HS1BP3: variants seen among roughly 807,000 people sequenced by gnomAD.
HS1BP3 encodes the protein HCLS1 binding protein 3.
Under a neutral mutation model 33.5 loss-of-function variants are expected in HS1BP3, and 32 were observed. The observed-to-expected ratio is 0.95, with a 90% CI of 0.72 to 1.28. HS1BP3 has a LOEUF of 1.28. Among genes scored for constraint, HS1BP3 ranks in the 50% most tolerant of loss-of-function variants. The pLI, the probability that HS1BP3 is intolerant of heterozygous loss-of-function variation, is 0.00. For missense variants in HS1BP3, 486 were observed against 502.3 expected (o/e 0.97, Z 0.31); for synonymous variants, 187 against 209.2 (o/e 0.89, Z 0.92).
chr2:20,617,566 G>A (rs1338019902), downstream of HS1BP3, among the ~76,000 whole-genome samples: 1 of 152,128 alleles, frequency 6.6e-6, no homozygotes, highest in Non-Finnish European at 1.5e-5. Context: ...CGGGCCAGGA[G>A]CTGAGACACT....
chr2:20,645,513 G>A lies in HS1BP3; in HGVS notation c.33-8C>T, dbSNP rs2304423. 1,096,628 of 1,607,868 alleles carry A rather than the reference G, an allele frequency of 0.68. 375,226 individuals are homozygous for A. The highest frequency in any genetic ancestry group is 0.8 in the South Asian group (71,980 of 90,478). On this transcript the variant is annotated splice_polypyrimidine_tract_variant and splice_region_variant and intron_variant, in intron 1 of 6. Coordinates refer to ENST00000304031, the MANE Select transcript of HS1BP3 (RefSeq NM_022460.4). The stretch of plus-strand genomic sequence containing the variant: ...TGGGCATTCTGAAGTCGCCTGCCAG[G>A]GGAAAAGAAGGCAGGTGGGGTTCAG...
chr2:20,624,968 C>T lies in HS1BP3; in HGVS notation c.624-76G>A, dbSNP rs1472736945. 12 of 1,537,140 alleles carry T rather than the reference C, an allele frequency of 7.8e-6. No individual in the cohort carries two copies. The South Asian group carries it at 7.9e-5, about 10-fold the overall frequency. Reference sequence around the variant, plus strand: ...GGTGGTCCGGTCAGACCGACACAGGCGCTGGGCCCTGCAGTGGAGGGGCTG... The same window carrying T: ...GGTGGTCCGGTCAGACCGACACAGGTGCTGGGCCCTGCAGTGGAGGGGCTG... On this transcript the variant is annotated intron_variant, in intron 4 of 6. Transcript: ENST00000304031.
chr2:20,644,699 C>T (rs1558351921), intron 2 of HS1BP3, among the ~76,000 whole-genome samples: 1 of 152,170 alleles, frequency 6.6e-6, no homozygotes, highest in Non-Finnish European at 1.5e-5. Context: ...ATCTGGGCTC[C>T]CTGACACCTG....
At chr2:20,564,993 T>C (rs61496474) in intron 5 of HS1BP3, among the ~76,000 whole-genome samples, 26,551 of 152,114 alleles carry the variant, frequency 0.17, 2,886 homozygotes, top group African/African-American at 0.3. Context: ...GCCCTGTTCT[T>C]TGGGGGCTCA....
At chr2:20,635,073 G>C (rs559571184) in intron 4 of HS1BP3, 1 of 152,224 alleles carries the variant, frequency 6.6e-6, no homozygotes, top group East Asian at 1.9e-4. Context: ...GAAAAGCAGA[G>C]GGGCCTCCCA....
intron 4 of HS1BP3, among the ~76,000 whole-genome samples, chr2:20,629,166 C>A (rs934600): frequency 4.6e-5 from 7 of 152,304 alleles, no homozygotes; most frequent in African/African-American, 1.7e-4. Context: ...AATTCCATGA[C>A]AGGTGCGTCA....
intron 2 of HS1BP3, among the ~76,000 whole-genome samples, chr2:20,599,863 C>T (rs893521844): frequency 5.9e-5 from 9 of 152,142 alleles, no homozygotes; most frequent in African/African-American, 1.7e-4. Flanking sequence ...TGATAATCTC[C>T]AAGGTTCATT....
chr2:20,641,136 C>T lies in HS1BP3; in HGVS notation c.243G>A (p.Leu81=), dbSNP rs758986369. The change falls in exon 3 of 7, where the codon CTG becomes CTA. Residue 81 remains leucine, a synonymous_variant. Transcript: ENST00000304031. ...YSEIEEFYQK[L]SSRYAAASLP... ...GGCTGGCTGCTGCATAACGACTGCT[C>T]AGTTTCTGGTAAAACTCCTCAATCT... The T allele has an allele frequency of 1.9e-6, 3 of 1,611,504 alleles. No homozygotes were observed. Among genetic ancestry groups the T allele is most frequent in the Admixed American group, 3.3e-5 (2 of 60,004 alleles).
intron 5 of HS1BP3, among the ~76,000 whole-genome samples, chr2:20,574,646 G>C (rs1316249321): frequency 6.6e-6 from 1 of 152,210 alleles, no homozygotes; most frequent in Non-Finnish European, 1.5e-5. Context: ...AGCCTCGGTG[G>C]ATGAGATGAC....
chr2:20,593,788 T>TC (rs1693878060), intron 3 of HS1BP3, among the ~76,000 whole-genome samples: 1 of 152,112 alleles, frequency 6.6e-6, no homozygotes, highest in South Asian at 2.1e-4. Context: ...CCCCTGCTGG[T>TC]CCCTGGAGCC....
At chr2:20,570,525 G>A (rs1693241702) in intron 5 of HS1BP3, among the ~76,000 whole-genome samples, 1 of 152,182 alleles carries the variant, frequency 6.6e-6, no homozygotes, top group Non-Finnish European at 1.5e-5. Flanking sequence ...TGGGTATAAA[G>A]ACAAAAGAGA....
At chr2:20,557,125 C>T (rs866069931), downstream of HS1BP3, among the ~76,000 whole-genome samples, 3 of 152,226 alleles carry the variant, frequency 2.0e-5, no homozygotes, top group Admixed American at 2.0e-4. Context: ...ATCATTTTCT[C>T]TCTGATCCCA....
intron 4 of HS1BP3, 158 bp downstream of exon 4, chr2:20,638,278 T>G (rs1695216950): frequency 3.0e-6 from 2 of 663,700 alleles, no homozygotes; most frequent in East Asian, 5.4e-5. Flanking sequence ...AGAGAGCTAC[T>G]TCCCCCAACA....
chr2:20,600,806 T>A (rs1189027175), intron 2 of HS1BP3, among the ~76,000 whole-genome samples: 1 of 152,216 alleles, frequency 6.6e-6, no homozygotes, highest in Non-Finnish European at 1.5e-5. Context: ...TTTCTTCCTT[T>A]GGTTTATCTG....
chr2:20,639,455 C>A (rs1023136350), intron 3 of HS1BP3, among the ~76,000 whole-genome samples: 3 of 152,326 alleles, frequency 2.0e-5, no homozygotes, highest in Admixed American at 1.3e-4. Context: ...TGGGCTCAGA[C>A]TATTTGTTCA....
At chr2:20,596,999 G>C (rs1317848286) in intron 3 of HS1BP3, among the ~76,000 whole-genome samples, 1 of 152,348 alleles carries the variant, frequency 6.6e-6, no homozygotes. Context: ...TTCCCATTAA[G>C]GCCACATAAA....
intron 2 of HS1BP3, among the ~76,000 whole-genome samples, chr2:20,642,102 C>A (rs1006136812): frequency 2.0e-5 from 3 of 152,260 alleles, no homozygotes; most frequent in Admixed American, 6.5e-5. Context: ...ACCCTCACTC[C>A]TCGCTCCTCT....
intron 6 of HS1BP3, chr2:20,622,427 G>C (rs558617154): frequency 2.6e-6 from 2 of 783,282 alleles, no homozygotes; most frequent in East Asian, 1.3e-4. Flanking sequence ...CTCCCCAAGC[G>C]CTCTGCGGGA....
At chr2:20,638,716 C>T in intron 3 of HS1BP3, 64 bp from the exon 4 acceptor site, 1 of 1,247,164 alleles carries the variant, frequency 8.0e-7, no homozygotes, top group Non-Finnish European at 1.1e-6. Context: ...AGGCATCTTG[C>T]CACACTGCAC....
Sources: allele counts gnomAD v4.1 joint callset (sites outside exome capture counted in the v4.1 genomes callset), GRCh38; gene constraint gnomAD v4.1.1; transcripts MANE v1.5; gene names NCBI Gene and HGNC (gene_info 2026-07-23, HGNC 2026-07-21).